Variants in LAMB4 observed in about 807,000 individuals in gnomAD.
LAMB4 encodes the protein laminin subunit beta 4.
LAMB4 carries 196 observed loss-of-function variants against 199.2 expected under a neutral mutation model. The observed-to-expected ratio is 0.98, with a 90% CI of 0.88 to 1.11. LAMB4 has a LOEUF of 1.11. Ranked by LOEUF, LAMB4 falls within the 50% of genes least tolerant of loss-of-function variation. The pLI is 0.00. For missense variants in LAMB4, 2,080 were observed against 2,171.2 expected (o/e 0.96, Z 0.83); for synonymous variants, 744 against 770.6 (o/e 0.97, Z 0.57).
intron 29 of LAMB4, among the ~76,000 whole-genome samples, chr7:108,039,616 G>A (rs1009106567): frequency 2.0e-5 from 3 of 151,758 alleles, no homozygotes; most frequent in Admixed American, 1.3e-4. Flanking sequence ...TCATAGGCAC[G>A]CACCACCACA....
intron 29 of LAMB4, among the ~76,000 whole-genome samples, chr7:108,042,937 C>CTCTCTGTG (rs1554426273): frequency 6.4e-5 from 9 of 140,292 alleles, no homozygotes; most frequent in African/African-American, 2.5e-4. Context: ...CTCTCAATCT[C>CTCTCTGTG]TGTGTGTGTG....
chr7:108,084,950 T>A (rs892766416), intron 14 of LAMB4, among the ~76,000 whole-genome samples: 1 of 151,494 alleles, frequency 6.6e-6, no homozygotes, highest in African/African-American at 2.4e-5. Context: ...TCAAATCTAG[T>A]CTAGTCTCAA....
chr7:108,087,465 A>G (rs373094417), intron 14 of LAMB4, among the ~76,000 whole-genome samples: 11 of 152,246 alleles, frequency 7.2e-5, no homozygotes, highest in East Asian at 3.9e-4. Context: ...TAAAGCTAAT[A>G]AATGAAGGAA....
At chr7:108,025,132 T>C (rs1369666195) in intron 33 of LAMB4, among the ~76,000 whole-genome samples, 2 of 152,200 alleles carry the variant, frequency 1.3e-5, no homozygotes, top group African/African-American at 4.8e-5. Context: ...ATGTTTCATA[T>C]GAGGAAGGCA....
At chr7:108,057,481 C>T (rs1293785340) in intron 24 of LAMB4, among the ~76,000 whole-genome samples, 4 of 152,130 alleles carry the variant, frequency 2.6e-5, no homozygotes, top group Admixed American at 2.6e-4. Flanking sequence ...AAAGAGTTGC[C>T]ATGCGTGGCT....
Position 108,123,141 on chromosome 7 carries a change from A to C in LAMB4, c.24T>G (p.Phe8Leu). MQFQLTL[F>L]LHLGWLSYSK... is the part of the protein sequence containing the mutation. ...ACAACAAATACTCACCAAGGTGCAA[A>C]AAAAGGGTCAGTTGAAATTGCATTC... Residue 8 changes from phenylalanine (F) to leucine (L), a missense_variant, in exon 2 of 34, where the codon TTT (phenylalanine) becomes TTG (leucine). Transcript: ENST00000388781. 6.2e-7 allele frequency: 1 copy of C among 1,610,964 alleles called. No homozygotes were observed. The highest frequency in any genetic ancestry group is 8.5e-7 in the Non-Finnish European group (1 of 1,179,262).
At chr7:108,022,628 A>C (rs1261182750), downstream of LAMB4, among the ~76,000 whole-genome samples, 2 of 152,168 alleles carry the variant, frequency 1.3e-5, no homozygotes, top group African/African-American at 4.8e-5. Context: ...TATGTGAACC[A>C]TTGTAATTAT....
Position 108,091,900 on chromosome 7 carries a change from C to A in LAMB4, c.1551-124G>T, listed in dbSNP as rs2037420135. 4.3e-6 allele frequency: 4 copies of A among 935,568 alleles called. No individual in the cohort carries two copies. In the East Asian group the frequency reaches 7.4e-5, roughly 17 times the overall value. The allele number at this position is 935,568 out of a possible 1,614,324, so 58.0% of individuals were successfully genotyped here. ...TCCTTAGAATCAGTCAATCAATGGT[C>A]CTGTGGGAAGATGCAGAAAGGCCAT... On this transcript the variant is annotated intron_variant, in intron 13 of 33. Transcript: ENST00000388781.
At chr7:108,081,390 C>A (rs956660450) in intron 14 of LAMB4, among the ~76,000 whole-genome samples, 3 of 152,202 alleles carry the variant, frequency 2.0e-5, no homozygotes, top group Non-Finnish European at 4.4e-5. Context: ...CCAGTGTATG[C>A]CCCTGAGCTC....
In LAMB4 at chr7:108,048,019, A is replaced by T; in HGVS notation, c.4215T>A (p.Gly1405=). Residue 1405 remains glycine, a synonymous_variant, in exon 28 of 34, where the codon GGT becomes GGA. Transcript: ENST00000388781. ...TGRKGHRKCR[G]PGCHGSLTLS... is the part of the protein sequence containing the mutation. Reference sequence around the variant, plus strand: ...GGGTCAGGGAGCCGTGACAGCCGGGACCCCTACACTTCCTGTGCCCCTTCC... The same window carrying T: ...GGGTCAGGGAGCCGTGACAGCCGGGTCCCCTACACTTCCTGTGCCCCTTCC... 1 of 1,614,010 alleles carries T rather than the reference A, an allele frequency of 6.2e-7. No homozygotes were observed. The highest frequency in any genetic ancestry group is 8.5e-7 in the Non-Finnish European group (1 of 1,179,962).
chr7:108,065,801 T>G lies in LAMB4; in HGVS notation c.2797A>C (p.Ser933Arg), dbSNP rs575792276. ...FAHSCYQNLW[S>R]SDVICNCLQG... ...AGACAATTGCAGATTACATCTGAGC[T>G]CCACAGATTCTGATAACAGGAATGG... Residue 933 changes from serine (S) to arginine (R), a missense_variant, in exon 21 of 34, where the codon AGC becomes CGC. Ser to Arg is a moderately radical substitution (Grantham distance 110). Coordinates refer to ENST00000388781, the MANE Select transcript of LAMB4 (RefSeq NM_007356.3). 1.2e-6 allele frequency: 2 copies of G among 1,614,120 alleles called. No individual in the cohort carries two copies. Among genetic ancestry groups the G allele is most frequent in the Non-Finnish European group, 1.7e-6 (2 of 1,179,962 alleles).
At chr7:108,038,596 G>A (rs1045236489) in intron 29 of LAMB4, among the ~76,000 whole-genome samples, 7 of 152,342 alleles carry the variant, frequency 4.6e-5, no homozygotes, top group African/African-American at 1.7e-4. Context: ...GGCCCAGGAC[G>A]GCTTTGAATG....
rs748539044 is a variant in LAMB4 at position 108,116,050 on chromosome 7, C to CA, written c.145dup (p.Cys49LeufsTer25). Reference sequence around the variant, plus strand: ...GTATTTCTGGGCTCTGCTCAGCCCACAGGTAGAAGAAGCCATAAGCTGCGT... The same window carrying CA: ...GTATTTCTGGGCTCTGCTCAGCCCACAAGGTAGAAGAAGCCATAAGCTGCGT... On this transcript the variant is annotated frameshift_variant, in exon 3 of 34. Coordinates refer to ENST00000388781, the MANE Select transcript of LAMB4 (RefSeq NM_007356.3). LOFTEE classifies it high-confidence loss of function. 3.1e-6 allele frequency: 5 copies of CA among 1,614,096 alleles called. No individual in the cohort carries two copies. In the African/African-American group the frequency reaches 6.7e-5, roughly 22 times the overall value.
intron 21 of LAMB4, 87 bp from the exon 22 acceptor site, chr7:108,064,072 T>C: frequency 2.1e-6 from 2 of 932,316 alleles, no homozygotes; most frequent in Non-Finnish European, 3.5e-6. Flanking sequence ...AGAAAATTAT[T>C]GGGCTCCTCT....
At position 108,030,844 on chromosome 7, in the gene LAMB4, C is replaced by T. The variant is rs779836620; in HGVS notation, c.4954G>A (p.Ala1652Thr). Residue 1652 changes from alanine to threonine, a missense_variant, in exon 32 of 34, where the codon GCT becomes ACT. Transcript: ENST00000388781. ...QDHAVNAKVQAESAQHQAGSL... is the reference protein window; with the variant it reads ...QDHAVNAKVQTESAQHQAGSL... ...CCAGCCTGGTGTTGGGCAGATTCAGCCTGAACTTTCGCATTGACAGCGTGG... is the reference window on the plus strand; with the variant it reads ...CCAGCCTGGTGTTGGGCAGATTCAGTCTGAACTTTCGCATTGACAGCGTGG... 18 of 1,614,042 alleles carry T rather than the reference C, an allele frequency of 1.1e-5. No individual in the cohort carries two copies. The highest frequency in any genetic ancestry group is 1.4e-5 in the Non-Finnish European group (17 of 1,180,010).
At chr7:108,038,513 C>T (rs1277462911) in intron 29 of LAMB4, among the ~76,000 whole-genome samples, 1 of 152,114 alleles carries the variant, frequency 6.6e-6, no homozygotes, top group East Asian at 1.9e-4. Flanking sequence ...AAATTTGGCC[C>T]CTATTGAGAA....
chr7:108,079,435 C>A (rs2036840637), intron 15 of LAMB4, among the ~76,000 whole-genome samples, 166 bp downstream of exon 15: 1 of 152,192 alleles, frequency 6.6e-6, no homozygotes, highest in Non-Finnish European at 1.5e-5. Flanking sequence ...GCTCACTGCG[C>A]TGCTTCAATA....
chr7:108,077,693 C>CA lies in LAMB4; in HGVS notation c.2003+507dup, dbSNP rs1009276533. ...TGGGCAACAGGGCGAGACTCTGACT[C>CA]AAAAAAAAAAAATTATTTTGCCACA... On this transcript the variant is annotated intron_variant, in intron 16 of 33. Transcript: ENST00000388781. Among the ~76,000 whole-genome samples, 800 of 143,598 alleles carry CA rather than the reference C, an allele frequency of 5.6e-3. 5 individuals are homozygous for CA. Among genetic ancestry groups the CA allele is most frequent in the Middle Eastern group, 0.014 (4 of 280 alleles). 94.2% of individuals were successfully genotyped at this position (143,598 alleles called of 152,430 possible). A position where few individuals can be genotyped will look rare whatever the true frequency, so the allele number is the denominator to read the frequency against.
At chr7:108,073,864 C>G (rs1028667811) in intron 17 of LAMB4, among the ~76,000 whole-genome samples, 1 of 152,224 alleles carries the variant, frequency 6.6e-6, no homozygotes, top group Non-Finnish European at 1.5e-5. Context: ...GGGTGTGGCA[C>G]TGGCTCCTTA....
Sources: allele counts gnomAD v4.1 joint callset (sites outside exome capture counted in the v4.1 genomes callset), GRCh38; gene constraint gnomAD v4.1.1; transcripts MANE v1.5; gene names NCBI Gene and HGNC (gene_info 2026-07-23, HGNC 2026-07-21).